Variants in TAMM41 observed in about 807,000 individuals in gnomAD.
TAMM41 encodes the protein phosphatidate cytidylyltransferase, mitochondrial.
A neutral mutation model predicts 44.1 loss-of-function variants in TAMM41; 36 were observed. The ratio of observed to expected loss-of-function variants is 0.82; its 90% CI spans 0.63 to 1.08. The LOEUF (loss-of-function observed/expected upper bound fraction) is 1.08, where lower values mean the gene tolerates loss of function less well. TAMM41 is among the 50% of genes least tolerant of loss of function. The pLI is 0.00. For missense variants in TAMM41, 417 were observed against 404.3 expected (o/e 1.03, Z -0.27); for synonymous variants, 164 against 153.1 (o/e 1.07, Z -0.53).
the TAMM41 span, among the ~76,000 whole-genome samples, chr3:11,753,530 C>T: frequency 5.9e-5 from 9 of 151,440 alleles, no homozygotes; most frequent in Non-Finnish European, 1.0e-4. Flanking sequence ...TGAGACCATC[C>T]TGGCTAACAT....
At chr3:11,784,739 T>C in the TAMM41 span, among the ~76,000 whole-genome samples, 1 of 151,950 alleles carries the variant, frequency 6.6e-6, no homozygotes, top group Non-Finnish European at 1.5e-5. Context: ...ATACAGTAAC[T>C]GTAGGGACTT....
intron 7 of TAMM41, among the ~76,000 whole-genome samples, chr3:11,804,101 A>G (rs1314745825): frequency 6.6e-6 from 1 of 152,206 alleles, no homozygotes; most frequent in Non-Finnish European, 1.5e-5. Flanking sequence ...AAGGGGAAGC[A>G]AGCAGTAAGC....
At chr3:11,830,603 GGT>G (rs1433250630) in intron 3 of TAMM41, 1 of 152,194 alleles carries the variant, frequency 6.6e-6, no homozygotes, top group African/African-American at 2.4e-5. Flanking sequence ...GACTGGGTGT[GGT>G]GGCTCACATC....
chr3:11,787,678 T>C (rs886978127), downstream of TAMM41, among the ~76,000 whole-genome samples: 5 of 152,190 alleles, frequency 3.3e-5, no homozygotes, highest in African/African-American at 1.2e-4. Flanking sequence ...TAATTTACGT[T>C]ATGTCATTTA....
intron 1 of TAMM41, 72 bp downstream of exon 1, chr3:11,846,430 C>G (rs904087541): frequency 1.1e-5 from 18 of 1,580,724 alleles, no homozygotes; most frequent in African/African-American, 5.4e-5. Flanking sequence ...CTCTCCGACT[C>G]TGAAGGAATC....
At chr3:11,764,952 T>C in the TAMM41 span, among the ~76,000 whole-genome samples, 2 of 152,210 alleles carry the variant, frequency 1.3e-5, no homozygotes, top group African/African-American at 4.8e-5. Flanking sequence ...AAAATAGTCA[T>C]TGTCAGATCA....
intron 4 of TAMM41, among the ~76,000 whole-genome samples, chr3:11,821,352 G>C (rs2078510902): frequency 6.6e-6 from 1 of 152,186 alleles, no homozygotes; most frequent in South Asian, 2.1e-4. Flanking sequence ...GGGGGTGATG[G>C]GAGACAGTGA....
intron 3 of TAMM41, chr3:11,830,714 A>G (rs935143252): frequency 6.6e-6 from 1 of 152,070 alleles, no homozygotes; most frequent in African/African-American, 2.4e-5. Flanking sequence ...AACAAAAAAA[A>G]CAAACACCTA....
At chr3:11,784,182 C>T in the TAMM41 span, among the ~76,000 whole-genome samples, 3 of 152,174 alleles carry the variant, frequency 2.0e-5, no homozygotes, top group African/African-American at 4.8e-5. Flanking sequence ...AGAAAGATGC[C>T]GTATCTACTG....
chr3:11,723,797 G>T, the TAMM41 span, among the ~76,000 whole-genome samples: 2 of 152,088 alleles, frequency 1.3e-5, no homozygotes, highest in Admixed American at 1.3e-4. Flanking sequence ...AACAAATAAA[G>T]GTAGGCTGTA....
chr3:11,787,056 A>C (rs192977954), downstream of TAMM41, among the ~76,000 whole-genome samples: 46 of 152,254 alleles, frequency 3.0e-4, no homozygotes, highest in Non-Finnish European at 5.0e-4. Flanking sequence ...CTTGTCTGGC[A>C]ATTGATGTTG....
At chr3:11,737,746 GC>G in the TAMM41 span, among the ~76,000 whole-genome samples, 3 of 152,098 alleles carry the variant, frequency 2.0e-5, no homozygotes, top group Admixed American at 6.6e-5. Flanking sequence ...CAAAACACAA[GC>G]AATACCACAA....
At chr3:11,760,733 G>C in the TAMM41 span, among the ~76,000 whole-genome samples, 1 of 150,454 alleles carries the variant, frequency 6.6e-6, no homozygotes, top group Non-Finnish European at 1.5e-5. Context: ...GCTAGTTTTT[G>C]TATTTTTAGT....
downstream of TAMM41, among the ~76,000 whole-genome samples, chr3:11,785,967 C>A (rs1357310334): frequency 6.6e-6 from 1 of 152,168 alleles, no homozygotes; most frequent in Non-Finnish European, 1.5e-5. Flanking sequence ...CTAGCAGTGG[C>A]AAAGGCATAA....
rs2079725858 is a variant in TAMM41 at position 11,846,834 on chromosome 3, C to G, written c.-198G>C. 7 of 665,374 alleles carry G rather than the reference C, an allele frequency of 1.1e-5. No individual in the cohort carries two copies. The highest frequency in any genetic ancestry group is 1.8e-5 in the African/African-American group (1 of 55,068). 41.2% of individuals were successfully genotyped at this position (665,374 alleles called of 1,614,324 possible). A position where few individuals can be genotyped will look rare whatever the true frequency, so the allele number is the denominator to read the frequency against. On this transcript the variant is annotated 5_prime_UTR_variant, in exon 1 of 8. Transcript: ENST00000455809. ...GCCACGAAGAGCAGCGGCGAGAAGA[C>G]GCAGCCCAGATAGGCTCGGGTGGGC...
At chr3:11,793,647 A>T (rs112010282) in intron 7 of TAMM41, among the ~76,000 whole-genome samples, 1 of 152,260 alleles carries the variant, frequency 6.6e-6, no homozygotes, top group Non-Finnish European at 1.5e-5. Flanking sequence ...AGAATACTGC[A>T]CTGGGCAGAA....
the TAMM41 span, among the ~76,000 whole-genome samples, chr3:11,775,599 T>C: frequency 1.3e-5 from 2 of 152,266 alleles, no homozygotes; most frequent in Non-Finnish European, 1.5e-5. Context: ...CATTATTTAC[T>C]GAGCTCCTAA....
Position 11,844,075 on chromosome 3 carries a change from T to C in TAMM41, c.272A>G (p.Tyr91Cys), listed in dbSNP as rs149208464. The C allele has an allele frequency of 7.2e-4, 1,168 of 1,614,160 alleles. 6 individuals are homozygous for C. In the African/African-American group the frequency reaches 0.014, roughly 19 times the overall value. ...PKIITSIQNN[Y>C]GAGVYYNSLI... ...TGAATTGTAGTAAACTCCAGCGCCATAGTTATTCTGGATGGACGTGATAAT... is the reference window on the plus strand; with the variant it reads ...TGAATTGTAGTAAACTCCAGCGCCACAGTTATTCTGGATGGACGTGATAAT... The change falls in exon 2 of 8, where the codon TAT becomes TGT. Residue 91 changes from tyrosine to cysteine, a missense_variant. Physicochemically the swap from Tyr to Cys is radical, Grantham distance 194 (BLOSUM62 -2). Transcript: ENST00000455809.
intron 6 of TAMM41, chr3:11,808,321 C>T: frequency 9.8e-7 from 1 of 1,017,260 alleles, no homozygotes; most frequent in African/African-American, 1.7e-5. Context: ...CAGTGAGGAA[C>T]AAGTTTCACT....
Sources: allele counts gnomAD v4.1 joint callset (sites outside exome capture counted in the v4.1 genomes callset), GRCh38; gene constraint gnomAD v4.1.1; transcripts MANE v1.5; gene names NCBI Gene and HGNC (gene_info 2026-07-23, HGNC 2026-07-21).